TMEM135: variants seen among roughly 807,000 people sequenced by gnomAD.
The protein encoded by TMEM135 is transmembrane protein 135, also known as peroxisomal membrane protein 52.
TMEM135 carries 30 observed loss-of-function variants against 60.3 expected under a neutral mutation model. The observed-to-expected ratio is 0.50, with a 90% CI of 0.37 to 0.68. The LOEUF is 0.68. Among genes scored for constraint, TMEM135 ranks in the 30% least tolerant of loss-of-function variants. TMEM135 has a pLI of 0.00. For synonymous variants in TMEM135, 190 were observed against 186.7 expected, an observed-to-expected ratio of 1.02 and a Z score of -0.14; for missense variants, 468 against 548.8, an observed-to-expected ratio of 0.85 and a Z score of 1.47.
At chr11:87,284,890 A>G (rs1942135145) in intron 6 of TMEM135, among the ~76,000 whole-genome samples, 1 of 152,210 alleles carries the variant, frequency 6.6e-6, no homozygotes, top group Non-Finnish European at 1.5e-5. Flanking sequence ...TGAAGGCTGA[A>G]ACTGAACTCT....
At chr11:87,151,725 C>T (rs961834646) in intron 4 of TMEM135, among the ~76,000 whole-genome samples, 13 of 151,316 alleles carry the variant, frequency 8.6e-5, no homozygotes, top group African/African-American at 3.2e-4. Flanking sequence ...AGAGAGGGAT[C>T]CTCTTATTAC....
At chr11:87,180,367 G>A (rs896440537) in intron 5 of TMEM135, among the ~76,000 whole-genome samples, 2 of 152,058 alleles carry the variant, frequency 1.3e-5, no homozygotes, top group Non-Finnish European at 2.9e-5. Flanking sequence ...CCCCTTTCTT[G>A]CCACTTCTCC....
chr11:87,105,448 C>T (rs79760283), intron 4 of TMEM135, among the ~76,000 whole-genome samples: 3,096 of 152,192 alleles, frequency 0.02, 34 homozygotes, highest in Non-Finnish European at 0.028. Flanking sequence ...ACGGACCCAC[C>T]CCGCCCTGCA....
At chr11:87,280,207 C>G (rs1942035602) in intron 6 of TMEM135, among the ~76,000 whole-genome samples, 1 of 152,088 alleles carries the variant, frequency 6.6e-6, no homozygotes, top group South Asian at 2.1e-4. Context: ...TGTAGGCTGT[C>G]ATTTAAAAAG....
chr11:87,116,712 G>T (rs1042151710), intron 4 of TMEM135, among the ~76,000 whole-genome samples: 3 of 151,796 alleles, frequency 2.0e-5, no homozygotes, highest in Non-Finnish European at 2.9e-5. Flanking sequence ...CTAGACCACT[G>T]CAATAAAGTG....
intron 6 of TMEM135, among the ~76,000 whole-genome samples, chr11:87,269,194 C>T (rs1001088411): frequency 6.7e-6 from 1 of 150,268 alleles, no homozygotes; most frequent in African/African-American, 2.4e-5. Flanking sequence ...AGTTTCCCCC[C>T]TACTACACAT....
chr11:87,227,107 G>A (rs1250738676), intron 5 of TMEM135, among the ~76,000 whole-genome samples: 1 of 151,854 alleles, frequency 6.6e-6, no homozygotes, highest in African/African-American at 2.4e-5. Flanking sequence ...TAAGAGTCTA[G>A]GCCTAAGTTT....
chr11:87,143,094 C>T (rs892103007), intron 4 of TMEM135, among the ~76,000 whole-genome samples: 1 of 151,984 alleles, frequency 6.6e-6, no homozygotes, highest in Non-Finnish European at 1.5e-5. Context: ...CTCAACTATT[C>T]TGTTGAGCTC....
chr11:87,112,189 A>T (rs1315751224), intron 4 of TMEM135, among the ~76,000 whole-genome samples: 1 of 152,234 alleles, frequency 6.6e-6, no homozygotes, highest in Non-Finnish European at 1.5e-5. Flanking sequence ...CAGCCTCAGC[A>T]TGGATATTGA....
intron 4 of TMEM135, among the ~76,000 whole-genome samples, chr11:87,128,489 A>G (rs1242181418): frequency 6.6e-6 from 1 of 152,258 alleles, no homozygotes; most frequent in East Asian, 1.9e-4. Context: ...GCTTTTGATT[A>G]CTGAGTTACT....
At chr11:87,247,561 A>G (rs61906772) in intron 6 of TMEM135, among the ~76,000 whole-genome samples, 7 of 152,130 alleles carry the variant, frequency 4.6e-5, no homozygotes, top group South Asian at 2.1e-4. Context: ...GGGCAATGGC[A>G]GGCACCCCTC....
chr11:87,073,181 C>A (rs144899187), intron 3 of TMEM135, among the ~76,000 whole-genome samples: 2 of 152,062 alleles, frequency 1.3e-5, no homozygotes, highest in African/African-American at 4.8e-5. Flanking sequence ...ACTACAGGCA[C>A]GTGCCACCAC....
chr11:87,275,951 C>T (rs774567838), intron 6 of TMEM135, among the ~76,000 whole-genome samples: 2 of 152,102 alleles, frequency 1.3e-5, no homozygotes, highest in African/African-American at 2.4e-5. Context: ...CATGAGCCAC[C>T]GCGCCTGGCC....
intron 1 of TMEM135, among the ~76,000 whole-genome samples, chr11:87,065,498 A>G (rs1301973117): frequency 6.6e-6 from 1 of 151,786 alleles, no homozygotes; most frequent in Non-Finnish European, 1.5e-5. Flanking sequence ...ATATTTTCCT[A>G]TTTTCTAATT....
chr11:87,313,801 G>A (rs1011806384), intron 11 of TMEM135, among the ~76,000 whole-genome samples: 1 of 151,782 alleles, frequency 6.6e-6, no homozygotes, highest in Non-Finnish European at 1.5e-5. Flanking sequence ...ATTAAGGGAA[G>A]TTCAAGTAGA....
Position 87,305,916 on chromosome 11 carries a change from T to A in TMEM135, c.699-20T>A, listed in dbSNP as rs375433327. On this transcript the variant is annotated intron_variant, in intron 8 of 14. Transcript: ENST00000305494. ...ACACTTTAATTATAATTAGTTTAAT[T>A]TTTTTGGGTTCAATTTCAGATGCAA... 2 of 1,598,580 alleles carry A rather than the reference T, an allele frequency of 1.3e-6. No homozygotes were observed. The highest frequency in any genetic ancestry group is 1.7e-6 in the Non-Finnish European group (2 of 1,169,762).
At chr11:87,294,268 C>T (rs188826177) in intron 6 of TMEM135, among the ~76,000 whole-genome samples, 2 of 152,210 alleles carry the variant, frequency 1.3e-5, no homozygotes, top group East Asian at 3.9e-4. Flanking sequence ...TGTACTGCAT[C>T]TAATAAAAAT....
At chr11:87,174,739 G>A (rs751642534) in intron 5 of TMEM135, among the ~76,000 whole-genome samples, 73 of 152,122 alleles carry the variant, frequency 4.8e-4, no homozygotes, top group Non-Finnish European at 6.9e-4. Flanking sequence ...GCTTACAGCA[G>A]GTCCTCCAAT....
At chr11:87,074,593 C>A (rs2445580) in intron 3 of TMEM135, among the ~76,000 whole-genome samples, 41,822 of 151,738 alleles carry the variant, frequency 0.28, 6,301 homozygotes, top group East Asian at 0.52. Flanking sequence ...CTGTTGAACA[C>A]CTTTGTAACA....
Sources: allele counts gnomAD v4.1 joint callset (sites outside exome capture counted in the v4.1 genomes callset), GRCh38; gene constraint gnomAD v4.1.1; transcripts MANE v1.5; gene names NCBI Gene and HGNC (gene_info 2026-07-23, HGNC 2026-07-21).